SDR42E2: variants seen among roughly 807,000 people sequenced by gnomAD.
SDR42E2 encodes short chain dehydrogenase/reductase family 42E, member 2.
SDR42E2 carries 20 observed loss-of-function variants against 10.5 expected under a neutral mutation model. The observed-to-expected ratio is 1.90, with a 90% CI of 1.34 to 2.77. The LOEUF (loss-of-function observed/expected upper bound fraction) is 2.77. Among genes scored for constraint, SDR42E2 ranks in the 30% most tolerant of loss-of-function variants. SDR42E2 has a pLI of 0.00. For missense variants in SDR42E2, 162 were observed against 104.2 expected (o/e 1.55, Z -2.42); for synonymous variants, 72 against 39.2 (o/e 1.84, Z -3.12).
chr16:22,175,159 G>T (rs1006625797), intron 7 of SDR42E2, among the ~76,000 whole-genome samples: 1 of 152,018 alleles, frequency 6.6e-6, no homozygotes, highest in Non-Finnish European at 1.5e-5. Context: ...AAACTTGATG[G>T]CTTAAAACAA....
At chr16:22,188,807 T>G (rs940767837) in intron 12 of SDR42E2, among the ~76,000 whole-genome samples, 3 of 152,106 alleles carry the variant, frequency 2.0e-5, no homozygotes, top group African/African-American at 4.8e-5. Context: ...GCCCTCCAGT[T>G]TGACTTTATA....
chr16:22,165,904 A>AGGTCCGTACCTGGGCCAGGAGCTG lies in SDR42E2; in HGVS notation c.56-293_56-270dup, dbSNP rs1334385411. Among the ~76,000 whole-genome samples, 93 of 84,456 alleles carry AGGTCCGTACCTGGGCCAGGAGCTG rather than the reference A, an allele frequency of 1.1e-3. 3 individuals carry two copies. The highest frequency in any genetic ancestry group is 3.7e-3 in the African/African-American group (74 of 19,918). The allele number at this position is 84,456 out of a possible 152,430, so 55.4% of individuals were successfully genotyped here. A position where few individuals can be genotyped will look rare whatever the true frequency, so the allele number is the denominator to read the frequency against. On this transcript the variant is annotated intron_variant, in intron 2 of 12. Coordinates refer to ENST00000602312, the MANE Select transcript of SDR42E2 (RefSeq NM_001394319.2). ...TGGGTCCGTACCTGGTCTAGGAGCT[A>AGGTCCGTACCTGGGCCAGGAGCTG]GGTCCGTACCTGGGCCAGGAGCTGG...
chr16:22,182,643 C>T (rs559458416), intron 10 of SDR42E2, among the ~76,000 whole-genome samples: 3 of 152,328 alleles, frequency 2.0e-5, no homozygotes, highest in East Asian at 3.9e-4. Flanking sequence ...CCACTGTGCT[C>T]GGCCTGCGGC....
intron 7 of SDR42E2, among the ~76,000 whole-genome samples, chr16:22,176,735 T>C (rs1265954506): frequency 2.0e-5 from 3 of 152,196 alleles, no homozygotes; most frequent in Non-Finnish European, 4.4e-5. Flanking sequence ...TAGTAGGTGT[T>C]CTTAAGACAA....
rs2046506863 is a variant in SDR42E2, at chr16:22,162,558, G to A, written c.-43G>A. Among the ~76,000 whole-genome samples the A allele has an allele frequency of 1.3e-5, 2 of 152,128 alleles. No individual in the cohort carries two copies. The highest frequency in any genetic ancestry group is 2.9e-5 in the Non-Finnish European group (2 of 67,990). ...GGAGCACGCAGCGCCGCGGGAGCCC[G>A]GGCCAGGTGAGCGAAGCCCGGACGC... On this transcript the variant is annotated 5_prime_UTR_variant, in exon 1 of 13. Transcript: ENST00000602312.
intron 7 of SDR42E2, 112 bp downstream of exon 7, chr16:22,172,443 A>T: frequency 1.5e-6 from 1 of 682,930 alleles, no homozygotes; most frequent in East Asian, 2.7e-5. Flanking sequence ...TTCCTTCCAA[A>T]GGACGGTTTC....
rs1413991862 is a variant in SDR42E2, at chr16:22,172,316, G to A, written c.574G>A (p.Gly192Arg). 1 of 703,268 alleles carries A rather than the reference G, an allele frequency of 1.4e-6. No individual in the cohort carries two copies. The highest frequency in any genetic ancestry group is 2.6e-6 in the Non-Finnish European group (1 of 385,018). The allele number at this position is 703,268 out of a possible 1,614,324, so 43.6% of individuals were successfully genotyped here. ...CGACCAATTGACCCTCATGGCCAAT[G>A]GGATGCCTCTCCCAGGTGAGTATCA... ...IADQLTLMAN[G>R]MPLPGGGTLR... Residue 192 changes from glycine to arginine, a missense_variant, in exon 7 of 13, where the codon GGG (glycine) becomes AGG (arginine). Physicochemically the swap from Gly to Arg is moderately radical, Grantham distance 125. Transcript: ENST00000602312.
At chr16:22,167,805 A>T (rs892426023) in intron 4 of SDR42E2, among the ~76,000 whole-genome samples, 10 of 152,124 alleles carry the variant, frequency 6.6e-5, no homozygotes, top group African/African-American at 2.4e-4. Context: ...TGTGCAGATT[A>T]AAAAAATAGT....
At position 22,170,915 on chromosome 16, in the gene SDR42E2, C is replaced by T. The variant is rs906382156; in HGVS notation, c.477C>T (p.Gly159=). Residue 159 remains glycine, a synonymous_variant, in exon 6 of 13, where the codon GGC becomes GGT. Transcript: ENST00000602312. The part of the protein sequence containing the change: ...VAFGGKPIEQ[G]DEDSVPYFPL... ...TTGGAGGGAAGCCCATAGAGCAGGG[C>T]GATGAGGACTCTGTGCCATATTTCC... The T allele has an allele frequency of 1.0e-5, 7 of 702,848 alleles. No individual in the cohort carries two copies. Among genetic ancestry groups the T allele is most frequent in the African/African-American group, 3.5e-5 (2 of 57,216 alleles). 43.5% of individuals were successfully genotyped at this position (702,848 alleles called of 1,614,324 possible). A position where few individuals can be genotyped will look rare whatever the true frequency, so the allele number is the denominator to read the frequency against.
intron 11 of SDR42E2, among the ~76,000 whole-genome samples, chr16:22,185,356 A>G (rs1212553189): frequency 2.0e-5 from 3 of 152,172 alleles, no homozygotes; most frequent in East Asian, 3.8e-4. Flanking sequence ...CAGGGAACAC[A>G]TGCAGGGCAA....
chr16:22,172,811 T>C (rs1380568144), intron 7 of SDR42E2, among the ~76,000 whole-genome samples: 1 of 152,196 alleles, frequency 6.6e-6, no homozygotes, highest in African/African-American at 2.4e-5. Context: ...GATAGGGTCT[T>C]GCTCTGTTGC....
In SDR42E2 at chr16:22,190,753, C is replaced by T. The variant is rs538560252; in HGVS notation, c.*360C>T. 2.9e-5 allele frequency: 7 copies of T among 238,932 alleles called. No individual in the cohort carries two copies. Among genetic ancestry groups the T allele is most frequent in the African/African-American group, 1.6e-4 (7 of 44,434 alleles). The allele number at this position is 238,932 out of a possible 1,614,324, so 14.8% of individuals were successfully genotyped here. A position where few individuals can be genotyped will look rare whatever the true frequency, so the allele number is the denominator to read the frequency against. On this transcript the variant is annotated 3_prime_UTR_variant, in exon 13 of 13. Coordinates refer to ENST00000602312, the MANE Select transcript of SDR42E2 (RefSeq NM_001394319.2). ...CCCCGAGTCTCTTTCCATGTTTTGA[C>T]CACGCCCTTGACCCGCCCTTCAAAT...
At chr16:22,172,997 T>C (rs2046613644) in intron 7 of SDR42E2, among the ~76,000 whole-genome samples, 1 of 152,054 alleles carries the variant, frequency 6.6e-6, no homozygotes, top group African/African-American at 2.4e-5. Flanking sequence ...TCCAGGCTGG[T>C]CTCAAACTCC....
At position 22,182,195 on chromosome 16, in the gene SDR42E2, C is replaced by G; in HGVS notation, c.811-17C>G. The G allele has an allele frequency of 2.5e-6, 1 of 405,560 alleles. No individual in the cohort carries two copies. The highest frequency in any genetic ancestry group is 3.1e-4 in the Middle Eastern group (1 of 3,232). The allele number at this position is 405,560 out of a possible 1,614,324, so 25.1% of individuals were successfully genotyped here. ...TGGGGAGAAGGCTGACCGTCCCCTC[C>G]CACATGTCCCCTTCAGAGTGGGCAG... On this transcript the variant is annotated splice_polypyrimidine_tract_variant and intron_variant, in intron 9 of 12. Transcript: ENST00000602312.
intron 12 of SDR42E2, among the ~76,000 whole-genome samples, chr16:22,188,341 T>C (rs182116020): frequency 5.3e-4 from 81 of 152,262 alleles, no homozygotes; most frequent in African/African-American, 1.8e-3. Flanking sequence ...TAGTCACCTA[T>C]GGCTTCTCCT....
Position 22,184,225 on chromosome 16 carries a change from T to C in SDR42E2, c.921T>C (p.Thr307=), listed in dbSNP as rs1341428997. The C allele has an allele frequency of 1.2e-5, 5 of 401,332 alleles. No homozygotes were observed. The highest frequency in any genetic ancestry group is 3.1e-4 in the Middle Eastern group (1 of 3,242). 24.9% of individuals were successfully genotyped at this position (401,332 alleles called of 1,614,324 possible). Residue 307 remains threonine, a synonymous_variant, in exon 11 of 13, where the codon ACT becomes ACC. Transcript: ENST00000602312. The part of the protein sequence containing the change: ...GYSQPWIQVP[T]SWVYLTAAVM... The stretch of plus-strand genomic sequence containing the variant: ...GCCAGCCCTGGATCCAGGTGCCTAC[T>C]TCCTGGGTTTACCTGACAGGTAAGG...
At chr16:22,170,764 C>G in intron 5 of SDR42E2, 69 bp from the exon 6 acceptor site, 1 of 700,230 alleles carries the variant, frequency 1.4e-6, no homozygotes, top group South Asian at 1.5e-5. Flanking sequence ...TCACTTGTGT[C>G]CCGTGTGTGT....
At chr16:22,178,532 A>T (rs2046665301) in intron 8 of SDR42E2, among the ~76,000 whole-genome samples, 1 of 152,164 alleles carries the variant, frequency 6.6e-6, no homozygotes, top group South Asian at 2.1e-4. Flanking sequence ...TGGATGGTTT[A>T]TTCCATGCTG....
In SDR42E2 at chr16:22,170,832, G is replaced by A. The variant is rs1229926131; in HGVS notation, c.395-1G>A. On this transcript the variant is annotated splice_acceptor_variant, in intron 5 of 12. Transcript: ENST00000602312. LOFTEE classifies it high-confidence loss of function. Reference sequence around the variant, plus strand: ...GTTGCTATGTGCACCTGCTGCTGCAGTCTGTGTTCGCCGGCGGGTTCCAAG... The same window carrying A: ...GTTGCTATGTGCACCTGCTGCTGCAATCTGTGTTCGCCGGCGGGTTCCAAG... The A allele has an allele frequency of 1.4e-6, 1 of 703,006 alleles. No homozygotes were observed. Among genetic ancestry groups the A allele is most frequent in the Non-Finnish European group, 2.6e-6 (1 of 385,002 alleles). 43.5% of individuals were successfully genotyped at this position (703,006 alleles called of 1,614,324 possible).
Sources: gnomAD v4.1 joint callset for allele counts (sites outside exome capture counted in the v4.1 genomes callset) on GRCh38, gnomAD v4.1.1 for gene constraint, MANE v1.5 for transcripts, NCBI Gene and HGNC (gene_info 2026-07-23, HGNC 2026-07-21) for gene names.